NDFIP2: variants seen among roughly 807,000 people sequenced by gnomAD.
NDFIP2 encodes Nedd4 family interacting protein 2.
NDFIP2 carries 19 observed loss-of-function variants against 36.0 expected under a neutral mutation model. The observed-to-expected ratio is 0.53, with a 90% CI of 0.37 to 0.77. The LOEUF (loss-of-function observed/expected upper bound fraction) is 0.77. NDFIP2 is among the 30% of genes least tolerant of loss of function. The probability of loss-of-function intolerance (pLI) is 0.00; values close to 1 mark genes in which losing one functional copy is unlikely to be tolerated. For synonymous variants in NDFIP2, 181 were observed against 167.7 expected (o/e 1.08, Z -0.61); for missense variants, 446 against 435.8 (o/e 1.02, Z -0.21).
chr13:79,497,114 G>A (rs969538842), intron 1 of NDFIP2, among the ~76,000 whole-genome samples: 2 of 151,952 alleles, frequency 1.3e-5, no homozygotes, highest in African/African-American at 4.8e-5. Context: ...ATATTTTGCT[G>A]TGGTCCTTTG....
At chr13:79,486,640 A>G (rs1033716872) in intron 1 of NDFIP2, among the ~76,000 whole-genome samples, 1 of 152,360 alleles carries the variant, frequency 6.6e-6, no homozygotes, top group African/African-American at 2.4e-5. Context: ...CATGTAGAGC[A>G]GAGATCAGCA....
intron 1 of NDFIP2, among the ~76,000 whole-genome samples, chr13:79,515,645 T>C (rs1426284179): frequency 1.3e-5 from 2 of 152,186 alleles, no homozygotes; most frequent in African/African-American, 4.8e-5. Context: ...GTCAGTTTTA[T>C]TGGTAGAAAA....
At position 79,497,318 on chromosome 13, in the gene NDFIP2, A is replaced by T. The variant is rs375708619; in HGVS notation, c.321+15794A>T. Among the ~76,000 whole-genome samples, 35 of 152,054 alleles carry T rather than the reference A, an allele frequency of 2.3e-4. 1 individual carries two copies. In the South Asian group the frequency reaches 7.3e-3, roughly 32 times the overall value. The stretch of plus-strand genomic sequence containing the variant: ...GGTTTCCCCTTACTTTCTAGTTTGC[A>T]TGGGCTCCATTCCATGCTTCCTCTG... On this transcript the variant is annotated intron_variant, in intron 1 of 7. Transcript: ENST00000218652.
Position 79,551,979 on chromosome 13 carries a change from C to A in NDFIP2, c.*3-537C>A, listed in dbSNP as rs190712028. Among the ~76,000 whole-genome samples, 5 of 151,328 alleles carry A rather than the reference C, an allele frequency of 3.3e-5. No homozygotes were observed. In the East Asian group the frequency reaches 9.7e-4, roughly 29 times the overall value. On this transcript the variant is annotated intron_variant, in intron 7 of 7. Transcript: ENST00000218652. ...AAGTGTTTCAAGTTTATTAAGTATT[C>A]TTTTTTCAAATAAATAAACTGCATG... is the stretch of plus-strand genomic sequence containing the variant.
intron 6 of NDFIP2, 75 bp downstream of exon 6, chr13:79,548,469 C>A: frequency 9.0e-7 from 1 of 1,109,770 alleles, no homozygotes; most frequent in Non-Finnish European, 1.3e-6. Flanking sequence ...AACTGTGTTG[C>A]AATTTATGTG....
chr13:79,522,544 G>A (rs1874627523), intron 2 of NDFIP2, among the ~76,000 whole-genome samples: 1 of 152,166 alleles, frequency 6.6e-6, no homozygotes. Context: ...ACTGTTCTGG[G>A]AGTGGACTGG....
intron 2 of NDFIP2, among the ~76,000 whole-genome samples, chr13:79,531,497 A>T (rs914654537): frequency 6.6e-6 from 1 of 152,210 alleles, no homozygotes; most frequent in Non-Finnish European, 1.5e-5. Context: ...AAGCTGTGTC[A>T]TCTACATTGA....
chr13:79,548,498 T>TAAA, intron 6 of NDFIP2, 104 bp downstream of exon 6: 1 of 915,556 alleles, frequency 1.1e-6, no homozygotes. Context: ...TTTTCTTCTG[T>TAAA]AAAATTCTCA....
At chr13:79,517,127 C>T (rs1020376030) in intron 1 of NDFIP2, among the ~76,000 whole-genome samples, 10 of 152,112 alleles carry the variant, frequency 6.6e-5, no homozygotes, top group African/African-American at 9.6e-5. Context: ...AAAACAATTT[C>T]GGTTCATTCA....
intron 1 of NDFIP2, among the ~76,000 whole-genome samples, chr13:79,515,382 G>C (rs1958832832): frequency 6.6e-6 from 1 of 152,088 alleles, no homozygotes; most frequent in African/African-American, 2.4e-5. Context: ...ACATCACTTT[G>C]TTTTCAAAAC....
intron 1 of NDFIP2, 37 bp downstream of exon 1, chr13:79,481,561 T>C: frequency 6.6e-7 from 1 of 1,516,744 alleles, no homozygotes; most frequent in Non-Finnish European, 8.8e-7. Flanking sequence ...CGGGACTGCC[T>C]CCCGCCGCGG....
At chr13:79,545,258 A>G (rs1346401402) in intron 5 of NDFIP2, among the ~76,000 whole-genome samples, 2 of 152,216 alleles carry the variant, frequency 1.3e-5, no homozygotes. Flanking sequence ...TGTGTAAGAA[A>G]GAAGTTAATG....
At chr13:79,506,643 A>T (rs918232740) in intron 1 of NDFIP2, among the ~76,000 whole-genome samples, 12 of 152,092 alleles carry the variant, frequency 7.9e-5, no homozygotes, top group East Asian at 1.9e-4. Flanking sequence ...CTTTATTTTT[A>T]AAAAATATAG....
intron 2 of NDFIP2, among the ~76,000 whole-genome samples, chr13:79,525,388 G>A (rs764680451): frequency 3.9e-5 from 6 of 152,108 alleles, no homozygotes; most frequent in African/African-American, 7.2e-5. Flanking sequence ...TAGAAGATTC[G>A]TTTTTACTGT....
chr13:79,544,490 T>C (rs1179736598), intron 5 of NDFIP2, among the ~76,000 whole-genome samples: 1 of 147,406 alleles, frequency 6.8e-6, no homozygotes, highest in Admixed American at 6.6e-5. Flanking sequence ...TGTTTCTTCC[T>C]AGTTTTTTTT....
intron 1 of NDFIP2, among the ~76,000 whole-genome samples, chr13:79,516,082 C>A (rs993278305): frequency 4.0e-5 from 6 of 151,712 alleles, no homozygotes; most frequent in African/African-American, 1.5e-4. Context: ...TGGGTGGGAC[C>A]CTGGAACAAC....
chr13:79,538,211 T>C (rs537508727), intron 3 of NDFIP2, among the ~76,000 whole-genome samples: 1 of 152,250 alleles, frequency 6.6e-6, no homozygotes, highest in African/African-American at 2.4e-5. Flanking sequence ...TCTCCAACAG[T>C]TGAGGATTAC....
intron 6 of NDFIP2, among the ~76,000 whole-genome samples, chr13:79,549,672 A>G (rs1875824677): frequency 6.6e-6 from 1 of 151,968 alleles, no homozygotes; most frequent in Non-Finnish European, 1.5e-5. Flanking sequence ...TCTTTTAGAA[A>G]ATGCCTGAGA....
At chr13:79,548,144 T>G (rs1272629763) in intron 5 of NDFIP2, among the ~76,000 whole-genome samples, 184 bp from the exon 6 acceptor site, 3 of 152,122 alleles carry the variant, frequency 2.0e-5, no homozygotes, top group Non-Finnish European at 4.4e-5. Context: ...CATAAGATGA[T>G]TTTTTCTCAA....
Sources: allele counts gnomAD v4.1 joint callset (sites outside exome capture counted in the v4.1 genomes callset), GRCh38; gene constraint gnomAD v4.1.1; transcripts MANE v1.5; gene names NCBI Gene and HGNC (gene_info 2026-07-23, HGNC 2026-07-21).